The following TBC1D19 variants were observed in gnomAD, a reference collection of about 807,000 sequenced individuals.
TBC1D19 encodes the protein TBC1 domain family, member 19.
TBC1D19 carries 60 observed loss-of-function variants against 89.0 expected under a neutral mutation model. That is an observed-to-expected ratio of 0.67 (90% confidence interval 0.55 to 0.84). TBC1D19 has a LOEUF of 0.84. Among genes scored for constraint, TBC1D19 ranks in the 40% least tolerant of loss-of-function variants. The probability of loss-of-function intolerance (pLI) is 0.00; values close to 1 mark genes in which losing one functional copy is unlikely to be tolerated. For synonymous variants in TBC1D19, 189 were observed against 199.7 expected (o/e 0.95, Z 0.45); for missense variants, 500 against 610.8 (o/e 0.82, Z 1.91).
At chr4:26,858,153 T>G in the TBC1D19 span, 2 of 152,262 alleles carry the variant, frequency 1.3e-5, no homozygotes, top group Non-Finnish European at 2.9e-5. Flanking sequence ...TTAACCTGTC[T>G]GCACGTAACA....
chr4:26,667,067 C>T (rs1183452411), intron 9 of TBC1D19, among the ~76,000 whole-genome samples: 1 of 151,756 alleles, frequency 6.6e-6, no homozygotes, highest in Non-Finnish European at 1.5e-5. Flanking sequence ...AATAAGTTGG[C>T]TCTTACCACT....
At chr4:26,856,570 T>C in the TBC1D19 span, among the ~76,000 whole-genome samples, 4 of 152,226 alleles carry the variant, frequency 2.6e-5, no homozygotes, top group African/African-American at 9.7e-5. Flanking sequence ...CCAAAATGGG[T>C]ATACTAATTT....
intron 1 of TBC1D19, among the ~76,000 whole-genome samples, chr4:26,598,984 G>A (rs942433646): frequency 3.3e-5 from 5 of 151,894 alleles, no homozygotes; most frequent in African/African-American, 1.2e-4. Context: ...GAAGGATAAA[G>A]CAGGAGTCTG....
At chr4:26,842,954 C>G in the TBC1D19 span, among the ~76,000 whole-genome samples, 1 of 152,016 alleles carries the variant, frequency 6.6e-6, no homozygotes, top group Non-Finnish European at 1.5e-5. Flanking sequence ...TTAAGTCTTC[C>G]TGGGCAATTA....
intron 19 of TBC1D19, among the ~76,000 whole-genome samples, chr4:26,752,656 C>T (rs1170364915): frequency 6.6e-6 from 1 of 152,164 alleles, no homozygotes; most frequent in African/African-American, 2.4e-5. Context: ...AGAGTTAGCT[C>T]CAAGCAGTAC....
the TBC1D19 span, among the ~76,000 whole-genome samples, chr4:26,804,065 GAAAAC>G: frequency 6.8e-6 from 1 of 146,304 alleles, no homozygotes. Context: ...TAAAAATAAA[GAAAAC>G]AAAACAAAAC....
chr4:26,784,368 T>C, the TBC1D19 span, among the ~76,000 whole-genome samples: 2 of 152,178 alleles, frequency 1.3e-5, no homozygotes, highest in Non-Finnish European at 2.9e-5. Context: ...ATAAGTCCAG[T>C]ATTGAGAAGG....
At chr4:26,652,579 C>T (rs1744475219) in intron 7 of TBC1D19, among the ~76,000 whole-genome samples, 1 of 152,176 alleles carries the variant, frequency 6.6e-6, no homozygotes, top group African/African-American at 2.4e-5. Flanking sequence ...TCAACTTCTT[C>T]CTGGTTTAGT....
chr4:26,829,622 A>C, the TBC1D19 span, among the ~76,000 whole-genome samples: 2 of 152,244 alleles, frequency 1.3e-5, no homozygotes, highest in African/African-American at 4.8e-5. Flanking sequence ...AATTGATCAC[A>C]TACCTACAGA....
the TBC1D19 span, among the ~76,000 whole-genome samples, chr4:26,789,401 C>T: frequency 6.6e-6 from 1 of 152,080 alleles, no homozygotes; most frequent in Non-Finnish European, 1.5e-5. Flanking sequence ...GGGCAAAGGA[C>T]ATGAACAGAC....
chr4:26,808,322 G>A, the TBC1D19 span, among the ~76,000 whole-genome samples: 1 of 152,184 alleles, frequency 6.6e-6, no homozygotes, highest in African/African-American at 2.4e-5. Flanking sequence ...CTAGTTCTGT[G>A]AGTCTCCCTC....
intron 17 of TBC1D19, among the ~76,000 whole-genome samples, chr4:26,740,274 T>A (rs1464245607): frequency 6.6e-6 from 1 of 152,196 alleles, no homozygotes; most frequent in Non-Finnish European, 1.5e-5. Flanking sequence ...CCTTCTTTTC[T>A]CATTTCTTAT....
the TBC1D19 span, among the ~76,000 whole-genome samples, chr4:26,765,922 AG>A: frequency 6.6e-6 from 1 of 151,822 alleles, no homozygotes; most frequent in Non-Finnish European, 1.5e-5. Context: ...AATCACTGCA[AG>A]GTTTTTTTGA....
intron 1 of TBC1D19, among the ~76,000 whole-genome samples, chr4:26,609,925 A>G (rs1391861216): frequency 6.6e-6 from 1 of 152,182 alleles, no homozygotes; most frequent in Non-Finnish European, 1.5e-5. Context: ...TACCGCTTGC[A>G]ATGTAATGAG....
chr4:26,739,451 A>G (rs1244585870), intron 16 of TBC1D19, among the ~76,000 whole-genome samples: 1 of 152,182 alleles, frequency 6.6e-6, no homozygotes, highest in African/African-American at 2.4e-5. Flanking sequence ...AAAATTAAAA[A>G]TTTTGAAATG....
chr4:26,699,341 A>G (rs1715107648), intron 13 of TBC1D19, among the ~76,000 whole-genome samples: 1 of 152,234 alleles, frequency 6.6e-6, no homozygotes, highest in Non-Finnish European at 1.5e-5. Flanking sequence ...TAGAATGATG[A>G]TCATTAAAAA....
chr4:26,712,344 C>A (rs1039461110), intron 13 of TBC1D19, among the ~76,000 whole-genome samples: 5 of 151,946 alleles, frequency 3.3e-5, no homozygotes, highest in African/African-American at 1.2e-4. Flanking sequence ...GTTTTTCTTG[C>A]CATTTATAGA....
At chr4:26,760,653 A>T (rs28896552), downstream of TBC1D19, among the ~76,000 whole-genome samples, 5,135 of 152,196 alleles carry the variant, frequency 0.034, 284 homozygotes, top group African/African-American at 0.12. Flanking sequence ...AGCCTATAGG[A>T]TATTTAATTT....
At chr4:26,726,015 G>A (rs1022910767) in intron 15 of TBC1D19, among the ~76,000 whole-genome samples, 1 of 152,070 alleles carries the variant, frequency 6.6e-6, no homozygotes, top group Non-Finnish European at 1.5e-5. Context: ...TCATAAATTT[G>A]TTAATACCAT....
Sources: gnomAD v4.1 joint callset for allele counts (sites outside exome capture counted in the v4.1 genomes callset) on GRCh38, gnomAD v4.1.1 for gene constraint, MANE v1.5 for transcripts, NCBI Gene and HGNC (gene_info 2026-07-23, HGNC 2026-07-21) for gene names.